The following ERC1 variants were observed in gnomAD, a reference collection of about 807,000 sequenced individuals.
ERC1 encodes the protein ELKS/RAB6-interacting/CAST family member 1.
ERC1 carries 56 observed loss-of-function variants against 132.0 expected under a neutral mutation model. The ratio of observed to expected loss-of-function variants is 0.42; its 90% CI spans 0.34 to 0.53. ERC1 has a LOEUF of 0.53. Ranked by LOEUF, ERC1 falls within the 20% of genes least tolerant of loss-of-function variation. The pLI, the probability that ERC1 is intolerant of heterozygous loss-of-function variation, is 0.03. For synonymous variants in ERC1, 478 were observed against 476.1 expected (o/e 1.00, Z -0.05); for missense variants, 1,202 against 1,349.9 (o/e 0.89, Z 1.72).
intron 9 of ERC1, 143 bp downstream of exon 9, chr12:1,180,820 G>A (rs1446274723): frequency 1.0e-5 from 10 of 999,388 alleles, no homozygotes; most frequent in Non-Finnish European, 1.4e-5. Context: ...AGTGTGAAGG[G>A]AAACATTTTT....
intron 7 of ERC1, among the ~76,000 whole-genome samples, chr12:1,126,098 A>G (rs1183245837): frequency 6.6e-6 from 1 of 152,212 alleles, no homozygotes; most frequent in East Asian, 1.9e-4. Context: ...TGAACTGTAG[A>G]CTTAAAATGA....
At chr12:1,275,611 T>A (rs2154334053) in intron 14 of ERC1, among the ~76,000 whole-genome samples, 1 of 152,294 alleles carries the variant, frequency 6.6e-6, no homozygotes, top group Non-Finnish European at 1.5e-5. Flanking sequence ...CAAGATTTGC[T>A]GGTCAATTGC....
At chr12:1,440,892 C>T (rs2093132962) in intron 17 of ERC1, among the ~76,000 whole-genome samples, 1 of 151,940 alleles carries the variant, frequency 6.6e-6, no homozygotes, top group African/African-American at 2.4e-5. Flanking sequence ...GTGATCCACC[C>T]ACCTTGCCCT....
intron 15 of ERC1, among the ~76,000 whole-genome samples, chr12:1,343,804 A>G (rs2084151933): frequency 6.6e-6 from 1 of 152,074 alleles, no homozygotes; most frequent in African/African-American, 2.4e-5. Context: ...AATAAGGTAT[A>G]TTCTGAAGCT....
intron 15 of ERC1, among the ~76,000 whole-genome samples, chr12:1,304,937 C>G (rs768120743): frequency 1.3e-4 from 20 of 151,268 alleles, no homozygotes; most frequent in East Asian, 5.8e-4. Flanking sequence ...CTACAGGCGC[C>G]CGCCCCCACG....
At chr12:1,168,388 T>C (rs532667301) in intron 8 of ERC1, among the ~76,000 whole-genome samples, 14 of 151,996 alleles carry the variant, frequency 9.2e-5, no homozygotes, top group Non-Finnish European at 1.9e-4. Flanking sequence ...CCTTATGAAG[T>C]GCTGGGATTA....
At chr12:1,375,658 G>A (rs773755418) in intron 16 of ERC1, among the ~76,000 whole-genome samples, 19 of 151,404 alleles carry the variant, frequency 1.3e-4, no homozygotes, top group African/African-American at 3.9e-4. Flanking sequence ...AGCCCTGTTC[G>A]TGGTCAGAAC....
intron 1 of ERC1, among the ~76,000 whole-genome samples, chr12:1,016,569 G>A (rs976811647): frequency 2.1e-4 from 32 of 151,822 alleles, no homozygotes; most frequent in African/African-American, 7.5e-4. Context: ...TGTGGGGTGA[G>A]GCGAGACTGG....
intron 8 of ERC1, among the ~76,000 whole-genome samples, chr12:1,159,647 G>C (rs538088791): frequency 3.3e-5 from 5 of 152,264 alleles, no homozygotes; most frequent in African/African-American, 1.2e-4. Flanking sequence ...AATATCCTAC[G>C]TGAAGTATTT....
intron 17 of ERC1, among the ~76,000 whole-genome samples, chr12:1,425,553 A>C (rs2092607834): frequency 6.6e-6 from 1 of 152,186 alleles, no homozygotes; most frequent in Non-Finnish European, 1.5e-5. Flanking sequence ...AGTAATCATC[A>C]TTCCCCTGTG....
chr12:1,341,915 C>T (rs941671366), intron 15 of ERC1, among the ~76,000 whole-genome samples: 2 of 152,080 alleles, frequency 1.3e-5, no homozygotes, highest in Non-Finnish European at 2.9e-5. Context: ...TTCAAAACTT[C>T]GTTTGAACTT....
At chr12:1,185,650 A>G (rs911533604) in intron 11 of ERC1, among the ~76,000 whole-genome samples, 1 of 151,746 alleles carries the variant, frequency 6.6e-6, no homozygotes, top group Non-Finnish European at 1.5e-5. Context: ...TTTTGTGTGA[A>G]TGACATTTTT....
At chr12:1,483,891 A>C (rs1376529637) in intron 18 of ERC1, among the ~76,000 whole-genome samples, 1 of 151,466 alleles carries the variant, frequency 6.6e-6, no homozygotes, top group Non-Finnish European at 1.5e-5. Context: ...ACGGGGTTTC[A>C]CCATTTTGGC....
chr12:1,123,235 T>C (rs1398540508), intron 7 of ERC1, among the ~76,000 whole-genome samples: 1 of 151,456 alleles, frequency 6.6e-6, no homozygotes, highest in African/African-American at 2.4e-5. Context: ...GCTAGAAAAA[T>C]CAAAATGGAA....
intron 1 of ERC1, among the ~76,000 whole-genome samples, chr12:992,497 C>T (rs1218790288): frequency 1.3e-5 from 2 of 152,070 alleles, no homozygotes; most frequent in East Asian, 1.9e-4. Context: ...AGTTATGTTT[C>T]TTGCAGTCTT....
chr12:1,278,551 G>A (rs74335950), intron 14 of ERC1, among the ~76,000 whole-genome samples: 3,678 of 152,170 alleles, frequency 0.024, 68 homozygotes, highest in South Asian at 0.078. Context: ...CCATTTCTTC[G>A]TGTAATTTTT....
At chr12:1,404,107 T>A (rs956898472) in intron 16 of ERC1, among the ~76,000 whole-genome samples, 4 of 152,118 alleles carry the variant, frequency 2.6e-5, no homozygotes, top group African/African-American at 4.8e-5. Context: ...TTATAAACAA[T>A]AGAAATTTAT....
chr12:1,243,711 G>T (rs1183656010), intron 13 of ERC1, among the ~76,000 whole-genome samples: 1 of 152,156 alleles, frequency 6.6e-6, no homozygotes, highest in East Asian at 1.9e-4. Context: ...GGTGCTACCG[G>T]CATCTAGTGA....
chr12:1,072,795 C>T (rs537216556), intron 2 of ERC1, among the ~76,000 whole-genome samples: 2 of 152,280 alleles, frequency 1.3e-5, no homozygotes, highest in East Asian at 3.9e-4. Context: ...TGGGTTCAAG[C>T]AGTTCTCGTG....
Sources: allele counts gnomAD v4.1 joint callset (sites outside exome capture counted in the v4.1 genomes callset), GRCh38; gene constraint gnomAD v4.1.1; transcripts MANE v1.5; gene names NCBI Gene and HGNC (gene_info 2026-07-23, HGNC 2026-07-21).